SLC22A23: variants seen among roughly 807,000 people sequenced by gnomAD.
The protein encoded by SLC22A23 is solute carrier family 22 member 23, also known as ion transporter protein.
In SLC22A23, 26 loss-of-function variants were observed where a neutral mutation model predicts 61.0. The observed-to-expected ratio is 0.43, with a 90% CI of 0.31 to 0.59. The LOEUF is 0.59. SLC22A23 is among the 20% of genes least tolerant of loss of function. SLC22A23 has a pLI of 0.11. For missense variants in SLC22A23, 796 were observed against 934.7 expected (o/e 0.85, Z 1.94); for synonymous variants, 430 against 413.9 (o/e 1.04, Z -0.47).
intron 3 of SLC22A23, among the ~76,000 whole-genome samples, chr6:3,396,921 A>G (rs563605172): frequency 2.4e-5 from 2 of 84,198 alleles, no homozygotes; most frequent in African/African-American, 6.5e-5. Flanking sequence ...AGGATACAGA[A>G]AGCCCTGTGT....
rs900581640 is a variant in SLC22A23 at position 3,279,476 on chromosome 6, A to C, written c.1703+4376T>G. ...CAGTGAGCCGAGATCACGCGACTGC[A>C]CTCCAGCCTGGCAACAGAGCAAGGC... On this transcript the variant is annotated intron_variant, in intron 9 of 9. Transcript: ENST00000406686. Among the ~76,000 whole-genome samples, 4 of 136,904 alleles carry C rather than the reference A, an allele frequency of 2.9e-5. No individual in the cohort carries two copies. In the Admixed American group the frequency reaches 3.1e-4, roughly 11 times the overall value. 89.8% of individuals were successfully genotyped at this position (136,904 alleles called of 152,430 possible). A position where few individuals can be genotyped will look rare whatever the true frequency, so the allele number is the denominator to read the frequency against.
chr6:3,333,175 G>A lies in SLC22A23; in HGVS notation c.914-9173C>T, dbSNP rs1232628164. 6.6e-6 allele frequency among the ~76,000 whole-genome samples: 1 copy of A among 152,142 alleles called. No individual in the cohort carries two copies. Among genetic ancestry groups the A allele is most frequent in the Non-Finnish European group, 1.5e-5 (1 of 68,024 alleles). ...GGTTTTGTAGGGAGTGCAAAATGGT[G>A]ATCTGATTTTCTAATTCCATCCTTC... On this transcript the variant is annotated intron_variant, in intron 3 of 9. Coordinates refer to ENST00000406686, the MANE Select transcript of SLC22A23 (RefSeq NM_015482.2). The surrounding 1 kb of genome is among the most constrained non-coding windows in gnomAD (Gnocchi z 4.1).
intron 9 of SLC22A23, among the ~76,000 whole-genome samples, chr6:3,281,168 C>G (rs1759444070): frequency 6.6e-6 from 1 of 152,214 alleles, no homozygotes; most frequent in Admixed American, 6.5e-5. Flanking sequence ...CGCCCAGGAC[C>G]CCAGGCCACT....
At chr6:3,455,829 G>A in intron 1 of SLC22A23, 77 bp downstream of exon 1, 2 of 1,435,776 alleles carry the variant, frequency 1.4e-6, no homozygotes, top group South Asian at 1.5e-5. Flanking sequence ...TGGGGACTTC[G>A]GTTCTCCCGC....
chr6:3,448,618 C>T (rs758915106), intron 1 of SLC22A23, among the ~76,000 whole-genome samples: 30 of 152,092 alleles, frequency 2.0e-4, no homozygotes, highest in Non-Finnish European at 4.0e-4. Flanking sequence ...CTCAGCCTCC[C>T]GAGTAGCTGG....
At chr6:3,392,488 G>A (rs760850002) in intron 3 of SLC22A23, among the ~76,000 whole-genome samples, 1 of 152,224 alleles carries the variant, frequency 6.6e-6, no homozygotes, top group Non-Finnish European at 1.5e-5. Context: ...CACCCTAGTT[G>A]TAAGTGAAGA....
In SLC22A23 at chr6:3,291,343, G is replaced by GA. The variant is rs1459767058; in HGVS notation, c.1211-1478dup. ...CAAAGCTCTTTCATTATAGTTTGAAGAAAAAATGTGTTGCTAAACCGTAGG... is the reference window on the plus strand; with the variant it reads ...CAAAGCTCTTTCATTATAGTTTGAAGAAAAAAATGTGTTGCTAAACCGTAGG... On this transcript the variant is annotated intron_variant, in intron 5 of 9. Transcript: ENST00000406686. 2.0e-5 allele frequency: 3 copies of GA among 152,152 alleles called. No homozygotes were observed. The East Asian group carries it at 5.8e-4, about 29-fold the overall frequency. 9.4% of individuals were successfully genotyped at this position (152,152 alleles called of 1,614,324 possible). A position where few individuals can be genotyped will look rare whatever the true frequency, so the allele number is the denominator to read the frequency against.
chr6:3,373,643 GAA>G (rs1766366597), intron 3 of SLC22A23, among the ~76,000 whole-genome samples: 2 of 152,122 alleles, frequency 1.3e-5, no homozygotes, highest in Admixed American at 1.3e-4. Flanking sequence ...AGAAAAAAAA[GAA>G]AGAAGAAGAA....
chr6:3,307,344 T>G (rs556687695), intron 4 of SLC22A23, among the ~76,000 whole-genome samples: 1 of 152,298 alleles, frequency 6.6e-6, no homozygotes, highest in Admixed American at 6.5e-5. Context: ...TGAAGGTGAA[T>G]GACAGATTGG....
chr6:3,334,886 TCA>T (rs1357980472), intron 3 of SLC22A23, among the ~76,000 whole-genome samples: 1 of 152,196 alleles, frequency 6.6e-6, no homozygotes, highest in Non-Finnish European at 1.5e-5. Flanking sequence ...GAAAATAAGG[TCA>T]CAGAGTTAGT....
chr6:3,291,227 T>A (rs1257138440), intron 5 of SLC22A23: 1 of 152,196 alleles, frequency 6.6e-6, no homozygotes, highest in Non-Finnish European at 1.5e-5. Context: ...ACCCTGGCCC[T>A]GTGCTTCCGA....
intron 5 of SLC22A23, among the ~76,000 whole-genome samples, chr6:3,296,649 A>G (rs1444653205): frequency 4.6e-5 from 7 of 152,198 alleles, no homozygotes; most frequent in African/African-American, 1.2e-4. Flanking sequence ...CTTCATGTCA[A>G]CCAGACCTGG....
chr6:3,273,006 T>C lies in SLC22A23; in HGVS notation c.*49A>G, dbSNP rs1758572545. The stretch of plus-strand genomic sequence containing the variant: ...GTGTTCGGTCCCTGGTCTGTAAACC[T>C]GTGCCCAAGCTGCCCCAGACCCTGG... On this transcript the variant is annotated 3_prime_UTR_variant, in exon 10 of 10. Transcript: ENST00000406686. 2.0e-6 allele frequency: 3 copies of C among 1,476,530 alleles called. No homozygotes were observed. The highest frequency in any genetic ancestry group is 2.8e-5 in the African/African-American group (2 of 71,116). The allele number at this position is 1,476,530 out of a possible 1,614,324, so 91.5% of individuals were successfully genotyped here.
intron 3 of SLC22A23, among the ~76,000 whole-genome samples, chr6:3,379,242 C>T (rs774808488): frequency 3.6e-4 from 55 of 152,282 alleles, no homozygotes; most frequent in Admixed American, 2.1e-3. Flanking sequence ...AAGGGGACTT[C>T]GGCTTCCCCC....
At chr6:3,339,240 C>G (rs1764023417) in intron 3 of SLC22A23, among the ~76,000 whole-genome samples, 1 of 152,208 alleles carries the variant, frequency 6.6e-6, no homozygotes, top group Non-Finnish European at 1.5e-5. Context: ...CCCCCACCCC[C>G]AATCTGATAA....
chr6:3,280,636 C>T (rs1479791892), intron 9 of SLC22A23, among the ~76,000 whole-genome samples: 2 of 151,636 alleles, frequency 1.3e-5, no homozygotes, highest in Admixed American at 1.3e-4. Flanking sequence ...GCTGGGACTA[C>T]AGGCGCCCGC....
At chr6:3,440,501 T>C (rs1345703087) in intron 1 of SLC22A23, among the ~76,000 whole-genome samples, 1 of 150,022 alleles carries the variant, frequency 6.7e-6, no homozygotes, top group East Asian at 2.0e-4. Flanking sequence ...AGGTCAGGAG[T>C]TCGAGACCAG....
At chr6:3,376,243 CCTT>C (rs1318253394) in intron 3 of SLC22A23, among the ~76,000 whole-genome samples, 1 of 152,220 alleles carries the variant, frequency 6.6e-6, no homozygotes, top group Non-Finnish European at 1.5e-5. Context: ...GCCTCCTCCT[CCTT>C]CTTCATTTCA....
At chr6:3,404,504 TAGAG>T (rs1419544011) in intron 3 of SLC22A23, among the ~76,000 whole-genome samples, 1 of 152,194 alleles carries the variant, frequency 6.6e-6, no homozygotes, top group South Asian at 2.1e-4. Flanking sequence ...TAGGTAGAGA[TAGAG>T]AGAAAGGCCT....
Sources: allele counts gnomAD v4.1 joint callset (sites outside exome capture counted in the v4.1 genomes callset), GRCh38; gene constraint gnomAD v4.1.1; non-coding constraint Gnocchi (gnomAD v3.1); transcripts MANE v1.5; gene names NCBI Gene and HGNC (gene_info 2026-07-23, HGNC 2026-07-21).